ROR1: variants seen among roughly 807,000 people sequenced by gnomAD.
ROR1 encodes ROR family WNT receptor 1.
A neutral mutation model predicts 78.8 loss-of-function variants in ROR1; 19 were observed. The ratio of observed to expected loss-of-function variants is 0.24; its 90% CI spans 0.17 to 0.35. The LOEUF is 0.35. Ranked by LOEUF, ROR1 falls within the 10% of genes least tolerant of loss-of-function variation. The pLI, the probability that ROR1 is intolerant of heterozygous loss-of-function variation, is 1.00. For synonymous variants in ROR1, 386 were observed against 433.6 expected, an observed-to-expected ratio of 0.89 and a Z score of 1.36; for missense variants, 917 against 1,177.8, an observed-to-expected ratio of 0.78 and a Z score of 3.24.
intron 8 of ROR1, among the ~76,000 whole-genome samples, chr1:64,170,912 T>C (rs1569883662): frequency 1.3e-5 from 2 of 152,340 alleles, no homozygotes; most frequent in Admixed American, 1.3e-4. Context: ...CATCTCCATC[T>C]GAGACCACCT....
chr1:64,011,381 C>G (rs1646473385), intron 2 of ROR1, among the ~76,000 whole-genome samples: 1 of 152,146 alleles, frequency 6.6e-6, no homozygotes, highest in African/African-American at 2.4e-5. Context: ...GTGCTGGGTG[C>G]TTTTTTGTGA....
At chr1:63,806,598 T>C (rs1488717888) in intron 1 of ROR1, among the ~76,000 whole-genome samples, 2 of 152,224 alleles carry the variant, frequency 1.3e-5, no homozygotes, top group Non-Finnish European at 2.9e-5. Flanking sequence ...ATTACAGGCG[T>C]GAGCCACCGC....
chr1:63,979,323 G>A (rs1322731562), intron 1 of ROR1, among the ~76,000 whole-genome samples: 1 of 152,126 alleles, frequency 6.6e-6, no homozygotes, highest in Admixed American at 6.5e-5. Context: ...GAGTTCAACT[G>A]AAAAGAATTT....
intron 1 of ROR1, among the ~76,000 whole-genome samples, chr1:63,938,443 C>G (rs185326196): frequency 2.5e-4 from 38 of 152,216 alleles, no homozygotes; most frequent in Non-Finnish European, 4.6e-4. Flanking sequence ...GCCCCCTGCA[C>G]CTCCCCTTAG....
intron 4 of ROR1, among the ~76,000 whole-genome samples, chr1:64,087,483 A>G (rs1647164104): frequency 6.6e-6 from 1 of 152,250 alleles, no homozygotes; most frequent in Non-Finnish European, 1.5e-5. Flanking sequence ...CACTGGAGCC[A>G]CCAGGGACCC....
At chr1:63,994,894 G>A (rs1035580637) in intron 1 of ROR1, among the ~76,000 whole-genome samples, 1 of 152,204 alleles carries the variant, frequency 6.6e-6, no homozygotes, top group Non-Finnish European at 1.5e-5. Context: ...AGCTTTGGTC[G>A]TTCCTGTTCA....
intron 1 of ROR1, among the ~76,000 whole-genome samples, chr1:63,825,905 G>A (rs957805606): frequency 2.0e-5 from 3 of 152,104 alleles, no homozygotes; most frequent in Non-Finnish European, 4.4e-5. Flanking sequence ...AACCTAGCGT[G>A]GTCTCAATCC....
At position 63,980,133 on chromosome 1, in the gene ROR1, T is replaced by G. The variant is rs138560222; in HGVS notation, c.92-29172T>G. Among the ~76,000 whole-genome samples, 897 of 151,728 alleles carry G rather than the reference T, an allele frequency of 5.9e-3. 8 individuals carry two copies. Among genetic ancestry groups the G allele is most frequent in the African/African-American group, 0.021 (866 of 41,334 alleles). On this transcript the variant is annotated intron_variant, in intron 1 of 8. Transcript: ENST00000371079. ...CCAACTTTATGAGAAAAAAATATAT[T>G]TATAAAAAATATATAACATATATAT...
intron 1 of ROR1, among the ~76,000 whole-genome samples, chr1:63,996,747 A>G (rs1211028588): frequency 6.6e-6 from 1 of 152,086 alleles, no homozygotes; most frequent in Non-Finnish European, 1.5e-5. Context: ...AATTGAATTA[A>G]CAGTGCGCTA....
At chr1:64,153,178 A>G (rs570182723) in intron 7 of ROR1, among the ~76,000 whole-genome samples, 2 of 152,320 alleles carry the variant, frequency 1.3e-5, no homozygotes, top group Non-Finnish European at 2.9e-5. Flanking sequence ...AAGATGTTCA[A>G]TATCACTAAT....
intron 4 of ROR1, chr1:64,105,220 G>A (rs1647747555): frequency 6.8e-6 from 1 of 148,108 alleles, no homozygotes; most frequent in Non-Finnish European, 1.5e-5. Flanking sequence ...CAGTGATATT[G>A]AGCTTTTTTC....
chr1:64,151,974 T>C (rs1649638934), intron 7 of ROR1, among the ~76,000 whole-genome samples: 1 of 151,972 alleles, frequency 6.6e-6, no homozygotes, highest in Non-Finnish European at 1.5e-5. Context: ...ATAGAAATCA[T>C]CCAGCCTCTA....
At chr1:63,986,511 G>A (rs1447959833) in intron 1 of ROR1, among the ~76,000 whole-genome samples, 1 of 152,194 alleles carries the variant, frequency 6.6e-6, no homozygotes, top group Admixed American at 6.5e-5. Flanking sequence ...GGGAAAGGAG[G>A]TTGTAAAGCA....
intron 1 of ROR1, among the ~76,000 whole-genome samples, chr1:63,890,227 C>A (rs1056774021): frequency 2.6e-5 from 4 of 151,878 alleles, no homozygotes; most frequent in African/African-American, 9.7e-5. Flanking sequence ...ACTTCTGAAG[C>A]TCCTTTTCTT....
chr1:63,902,573 C>T (rs1645494415), intron 1 of ROR1, among the ~76,000 whole-genome samples: 1 of 152,092 alleles, frequency 6.6e-6, no homozygotes, highest in Admixed American at 6.6e-5. Context: ...GTCCTCCTGC[C>T]TCAGCCCCCC....
intron 1 of ROR1, among the ~76,000 whole-genome samples, chr1:63,906,769 T>C (rs1645532243): frequency 6.6e-6 from 1 of 152,240 alleles, no homozygotes; most frequent in Non-Finnish European, 1.5e-5. Flanking sequence ...ATTTTAAGTT[T>C]CTGAAATACC....
intron 2 of ROR1, among the ~76,000 whole-genome samples, chr1:64,021,148 AT>A (rs57755896): frequency 0.031 from 4,669 of 152,114 alleles, 254 homozygotes; most frequent in African/African-American, 0.11. Context: ...TCATGATTTC[AT>A]TATCTGTGGG....
Position 63,847,158 on chromosome 1 carries a change from A to G in ROR1, c.91+72650A>G, listed in dbSNP as rs567798219. 1.2e-3 allele frequency among the ~76,000 whole-genome samples: 180 copies of G among 152,234 alleles called. 4 individuals carry two copies. The South Asian group carries it at 0.036, about 31-fold the overall frequency. ...GAAACAGGAAGCCAGGGAGAGGAGC[A>G]AGAGGTGTTGGGGCTGTATGTGCTG... On this transcript the variant is annotated intron_variant, in intron 1 of 8. Coordinates refer to ENST00000371079, the MANE Select transcript of ROR1 (RefSeq NM_005012.4).
chr1:63,842,953 C>T (rs975969991), intron 1 of ROR1, among the ~76,000 whole-genome samples: 2 of 152,006 alleles, frequency 1.3e-5, no homozygotes, highest in Admixed American at 1.3e-4. Context: ...TGGTTTGCTT[C>T]AACCCAAGAG....
Sources: allele counts gnomAD v4.1 joint callset (sites outside exome capture counted in the v4.1 genomes callset), GRCh38; gene constraint gnomAD v4.1.1; transcripts MANE v1.5; gene names NCBI Gene and HGNC (gene_info 2026-07-23, HGNC 2026-07-21).